The following SLC2A13 variants were observed in gnomAD, a reference collection of about 807,000 sequenced individuals.
SLC2A13 encodes solute carrier family 2 member 13, also known as proton myo-inositol cotransporter.
SLC2A13 carries 32 observed loss-of-function variants against 64.4 expected under a neutral mutation model. The ratio of observed to expected loss-of-function variants is 0.50; its 90% CI spans 0.37 to 0.67. The LOEUF (loss-of-function observed/expected upper bound fraction) is 0.67, where lower values mean the gene tolerates loss of function less well. Ranked by LOEUF, SLC2A13 falls within the 30% of genes least tolerant of loss-of-function variation. The probability of loss-of-function intolerance (pLI) is 0.00; values close to 1 mark genes in which losing one functional copy is unlikely to be tolerated. For synonymous variants in SLC2A13, 338 were observed against 327.1 expected, an observed-to-expected ratio of 1.03 and a Z score of -0.36; for missense variants, 743 against 829.2, an observed-to-expected ratio of 0.90 and a Z score of 1.28.
chr12:39,865,735 A>G (rs922409441), intron 5 of SLC2A13, among the ~76,000 whole-genome samples: 8 of 152,212 alleles, frequency 5.3e-5, no homozygotes, highest in Admixed American at 5.2e-4. Flanking sequence ...AGCAACATGG[A>G]TGGAGCTGGA....
chr12:39,811,228 AATCTGCTT>A (rs1942148236), intron 7 of SLC2A13, among the ~76,000 whole-genome samples: 1 of 152,008 alleles, frequency 6.6e-6, no homozygotes, highest in African/African-American at 2.4e-5. Context: ...GCTATGACTT[AATCTGCTT>A]TTTATTGATC....
intron 3 of SLC2A13, among the ~76,000 whole-genome samples, chr12:39,985,252 G>A (rs1185175272): frequency 2.0e-5 from 3 of 151,898 alleles, no homozygotes; most frequent in Non-Finnish European, 4.4e-5. Flanking sequence ...TTGGTTTCTT[G>A]GTGTTAGTTT....
At chr12:39,807,756 T>C (rs1193056078) in intron 7 of SLC2A13, among the ~76,000 whole-genome samples, 2 of 152,166 alleles carry the variant, frequency 1.3e-5, no homozygotes, top group Non-Finnish European at 2.9e-5. Flanking sequence ...ATAATTATAA[T>C]AATGGAGAGT....
chr12:39,989,939 G>A (rs1947104548), intron 3 of SLC2A13, among the ~76,000 whole-genome samples: 1 of 152,128 alleles, frequency 6.6e-6, no homozygotes, highest in Non-Finnish European at 1.5e-5. Flanking sequence ...TCGGTTTATG[G>A]TTGCATCCAC....
intron 4 of SLC2A13, among the ~76,000 whole-genome samples, chr12:39,873,359 C>A (rs1592228406): frequency 6.6e-6 from 1 of 152,276 alleles, no homozygotes; most frequent in Middle Eastern, 3.4e-3. Flanking sequence ...ATTATGAAAA[C>A]AATTCATTCC....
Position 40,105,027 on chromosome 12 carries a change from C to G in SLC2A13, c.556+226G>C, listed in dbSNP as rs1179639416. Among the ~76,000 whole-genome samples, 1 of 152,146 alleles carries G rather than the reference C, an allele frequency of 6.6e-6. No homozygotes were observed. The highest frequency in any genetic ancestry group is 1.9e-4 in the East Asian group (1 of 5,194). On this transcript the variant is annotated intron_variant, in intron 1 of 9. Coordinates refer to ENST00000280871, the MANE Select transcript of SLC2A13 (RefSeq NM_052885.4). This position sits in a 1 kb window ranked among gnomAD's most constrained non-coding sequence, Gnocchi z 4.2. ...GCCTATCAAAGATTCCACGTGCGCTCGAGGGAGACTAGAGTGACACCCCCT... is the reference window on the plus strand; with the variant it reads ...GCCTATCAAAGATTCCACGTGCGCTGGAGGGAGACTAGAGTGACACCCCCT...
chr12:39,903,933 A>G (rs1338944750), intron 4 of SLC2A13, among the ~76,000 whole-genome samples: 1 of 152,036 alleles, frequency 6.6e-6, no homozygotes, highest in Non-Finnish European at 1.5e-5. Context: ...TCATATTTGG[A>G]CTAAAGAACA....
intron 6 of SLC2A13, among the ~76,000 whole-genome samples, chr12:39,836,274 C>T (rs559092575): frequency 2.0e-5 from 3 of 152,070 alleles, no homozygotes; most frequent in Non-Finnish European, 2.9e-5. Flanking sequence ...GCTGGGGGAA[C>T]TGAATGCAGA....
At chr12:39,772,970 A>C (rs1940638735) in intron 7 of SLC2A13, among the ~76,000 whole-genome samples, 2 of 152,234 alleles carry the variant, frequency 1.3e-5, no homozygotes, top group South Asian at 4.1e-4. Context: ...TGAGAATGTG[A>C]CATCACACCT....
intron 1 of SLC2A13, among the ~76,000 whole-genome samples, chr12:40,103,858 AT>A (rs1939218982): frequency 6.6e-6 from 1 of 152,192 alleles, no homozygotes; most frequent in South Asian, 2.1e-4. Context: ...TTTCAGCTGG[AT>A]TTTTTGGTCA....
At chr12:40,010,067 T>C (rs1017679339) in intron 3 of SLC2A13, among the ~76,000 whole-genome samples, 1 of 152,228 alleles carries the variant, frequency 6.6e-6, no homozygotes, top group Non-Finnish European at 1.5e-5. Flanking sequence ...TACAGGCACA[T>C]GGCAACTCAA....
chr12:39,906,961 A>G (rs1381842482), intron 4 of SLC2A13, among the ~76,000 whole-genome samples: 1 of 152,148 alleles, frequency 6.6e-6, no homozygotes, highest in African/African-American at 2.4e-5. Context: ...AAATAGAAAA[A>G]TCAGTTGCTC....
chr12:39,919,279 A>C (rs1945574658), intron 4 of SLC2A13, among the ~76,000 whole-genome samples: 1 of 152,134 alleles, frequency 6.6e-6, no homozygotes, highest in South Asian at 2.1e-4. Flanking sequence ...TGTGGTAAAC[A>C]TTCTTCTTGG....
At chr12:39,896,444 G>GTA (rs200987159) in intron 4 of SLC2A13, among the ~76,000 whole-genome samples, 1 of 139,536 alleles carries the variant, frequency 7.2e-6, no homozygotes, top group Non-Finnish European at 1.5e-5. Context: ...ATACATATAT[G>GTA]TATATGTGTG....
rs534946663 is a variant in SLC2A13, at chr12:39,759,565, C to A, written c.*461G>T. 1 of 154,378 alleles carries A rather than the reference C, an allele frequency of 6.5e-6. No individual in the cohort carries two copies. The highest frequency in any genetic ancestry group is 6.5e-5 in the Admixed American group (1 of 15,360). 9.6% of individuals were successfully genotyped at this position (154,378 alleles called of 1,614,324 possible). A position where few individuals can be genotyped will look rare whatever the true frequency, so the allele number is the denominator to read the frequency against. ...ACAGCTGATCAGAGATAAGCCACTA[C>A]TCTGTAGGAAAACTGAGGGCCAATA... is the stretch of plus-strand genomic sequence containing the variant. On this transcript the variant is annotated 3_prime_UTR_variant, in exon 10 of 10. Transcript: ENST00000280871.
intron 6 of SLC2A13, among the ~76,000 whole-genome samples, chr12:39,833,265 A>C (rs1942908827): frequency 6.6e-6 from 1 of 152,114 alleles, no homozygotes; most frequent in South Asian, 2.1e-4. Flanking sequence ...AGCTGAAAAT[A>C]TTTCCTATCT....
intron 3 of SLC2A13, among the ~76,000 whole-genome samples, chr12:40,002,645 C>A (rs1404971426): frequency 1.3e-5 from 2 of 152,230 alleles, no homozygotes; most frequent in Non-Finnish European, 1.5e-5. Flanking sequence ...GCTAGGAACT[C>A]TCTTAGGTCC....
intron 4 of SLC2A13, among the ~76,000 whole-genome samples, chr12:39,896,416 GTA>G (rs1340991107): frequency 8.7e-6 from 1 of 115,508 alleles, no homozygotes; most frequent in Non-Finnish European, 1.7e-5. Context: ...ATATATGTAT[GTA>G]TATGTGTATA....
intron 7 of SLC2A13, among the ~76,000 whole-genome samples, chr12:39,819,320 G>C (rs1160577460): frequency 3.3e-5 from 5 of 152,050 alleles, no homozygotes; most frequent in African/African-American, 4.8e-5. Context: ...GTCATAGAAA[G>C]TTAAACTAAG....
Sources: allele counts gnomAD v4.1 joint callset (sites outside exome capture counted in the v4.1 genomes callset), GRCh38; gene constraint gnomAD v4.1.1; non-coding constraint Gnocchi (gnomAD v3.1); transcripts MANE v1.5; gene names NCBI Gene and HGNC (gene_info 2026-07-23, HGNC 2026-07-21).